PCSK6: variants seen among roughly 807,000 people sequenced by gnomAD.
The protein encoded by PCSK6 is proprotein convertase subtilisin/kexin type 6, also known as paired basic amino acid cleaving enzyme 4.
A neutral mutation model predicts 123.3 loss-of-function variants in PCSK6; 85 were observed. That is an observed-to-expected ratio of 0.69 (90% confidence interval 0.58 to 0.83). The LOEUF (loss-of-function observed/expected upper bound fraction) is 0.83. Among genes scored for constraint, PCSK6 ranks in the 40% least tolerant of loss-of-function variants. The pLI, the probability that PCSK6 is intolerant of heterozygous loss-of-function variation, is 0.00. For missense variants in PCSK6, 1,191 were observed against 1,282.3 expected (o/e 0.93, Z 1.09); for synonymous variants, 508 against 516.0 (o/e 0.98, Z 0.21).
chr15:101,411,213 T>G (rs2055671355), intron 6 of PCSK6, among the ~76,000 whole-genome samples: 3 of 151,956 alleles, frequency 2.0e-5, no homozygotes, highest in Non-Finnish European at 4.4e-5. Context: ...ATTCCAGAGC[T>G]GAGGAAGGTG....
At chr15:101,313,167 G>A (rs1596168451) in intron 20 of PCSK6, 1 of 1,498,518 alleles carries the variant, frequency 6.7e-7, no homozygotes, top group South Asian at 1.3e-5. Flanking sequence ...GCTGCACGGT[G>A]TCTGCCCACA....
intron 1 of PCSK6, among the ~76,000 whole-genome samples, chr15:101,484,039 C>T (rs2057958206): frequency 1.3e-5 from 2 of 152,092 alleles, no homozygotes; most frequent in Admixed American, 1.3e-4. Context: ...GTATATGCGT[C>T]AATATACGTG....
intron 2 of PCSK6, among the ~76,000 whole-genome samples, chr15:101,438,690 C>G (rs942350527): frequency 1.3e-5 from 2 of 152,236 alleles, no homozygotes; most frequent in East Asian, 1.9e-4. Flanking sequence ...CAGGAACCAC[C>G]TGCAGCTCCC....
intron 16 of PCSK6, 76 bp from the exon 17 acceptor site, chr15:101,325,122 T>C: frequency 1.8e-6 from 2 of 1,085,354 alleles, no homozygotes; most frequent in Non-Finnish European, 2.6e-6. Flanking sequence ...TTGTTTCCTC[T>C]GAGGAAACGA....
chr15:101,419,361 A>C (rs573894605), intron 6 of PCSK6, among the ~76,000 whole-genome samples: 1 of 152,162 alleles, frequency 6.6e-6, no homozygotes, highest in Non-Finnish European at 1.5e-5. Context: ...CTAATAAGAA[A>C]TGTATAAAAT....
intron 1 of PCSK6, among the ~76,000 whole-genome samples, chr15:101,451,227 C>T (rs1187124925): frequency 1.3e-5 from 2 of 151,998 alleles, no homozygotes; most frequent in African/African-American, 2.4e-5. Context: ...ATCTACTTTA[C>T]ATGTTTAATT....
chr15:101,427,901 T>C lies in PCSK6; in HGVS notation c.814A>G (p.Lys272Glu). 1 of 1,574,582 alleles carries C rather than the reference T, an allele frequency of 6.4e-7. No individual in the cohort carries two copies. The highest frequency in any genetic ancestry group is 8.6e-7 in the Non-Finnish European group (1 of 1,159,106). Reference protein sequence around the residue: ...YCIVGIAYNAKIGGIRMLDGD... With the variant: ...YCIVGIAYNAEIGGIRMLDGD... ...CCACGCCCGGCCTTACCTCCTATTTTGGCATTGTACGCTATGCCCACGATG... is the reference window on the plus strand; with the variant it reads ...CCACGCCCGGCCTTACCTCCTATTTCGGCATTGTACGCTATGCCCACGATG... The change falls in exon 6 of 22, where the codon AAA (lysine) becomes GAA (glutamate). Residue 272 changes from lysine to glutamate, a missense_variant. Transcript: ENST00000611716.
chr15:101,370,754 G>C (rs1181358060), intron 11 of PCSK6, among the ~76,000 whole-genome samples: 1 of 152,254 alleles, frequency 6.6e-6, no homozygotes, highest in Non-Finnish European at 1.5e-5. Context: ...AGATTTGAAA[G>C]ATGGTTCGGC....
At chr15:101,463,847 C>T (rs1269632087) in intron 1 of PCSK6, among the ~76,000 whole-genome samples, 1 of 152,008 alleles carries the variant, frequency 6.6e-6, no homozygotes, top group African/African-American at 2.4e-5. Context: ...CTTCCTATGT[C>T]CTTAGAGAGC....
At chr15:101,374,058 T>C (rs771414505) in intron 11 of PCSK6, among the ~76,000 whole-genome samples, 10 of 152,230 alleles carry the variant, frequency 6.6e-5, no homozygotes, top group Non-Finnish European at 1.3e-4. Flanking sequence ...CCGTGCGTTG[T>C]TGAAGCCAGG....
intron 17 of PCSK6, among the ~76,000 whole-genome samples, chr15:101,324,641 T>C (rs1434187131): frequency 1.3e-5 from 2 of 152,244 alleles, no homozygotes; most frequent in African/African-American, 4.8e-5. Flanking sequence ...GAACTTCTCC[T>C]GGCCAGGTCT....
intron 6 of PCSK6, among the ~76,000 whole-genome samples, chr15:101,403,434 AAAAG>A (rs2042668391): frequency 6.8e-6 from 1 of 147,950 alleles, no homozygotes. Flanking sequence ...TAATTAAAAA[AAAAG>A]AGAGAGAAAA....
At chr15:101,347,557 G>C (rs1055560073) in intron 13 of PCSK6, 1 of 1,399,654 alleles carries the variant, frequency 7.1e-7, no homozygotes, top group Non-Finnish European at 9.3e-7. Flanking sequence ...ATGCTTGCAC[G>C]CACACGCATT....
intron 6 of PCSK6, among the ~76,000 whole-genome samples, chr15:101,399,393 C>A (rs1244104945): frequency 6.6e-6 from 1 of 152,196 alleles, no homozygotes; most frequent in Non-Finnish European, 1.5e-5. Flanking sequence ...GGGTCTTGGA[C>A]TTCGCTGGCC....
At chr15:101,386,987 T>C (rs2042083319) in intron 9 of PCSK6, among the ~76,000 whole-genome samples, 1 of 152,198 alleles carries the variant, frequency 6.6e-6, no homozygotes, top group Non-Finnish European at 1.5e-5. Flanking sequence ...AGCTCACCCA[T>C]GGCGTTAAGT....
chr15:101,476,255 T>C (rs943222717), intron 1 of PCSK6, among the ~76,000 whole-genome samples: 5 of 152,206 alleles, frequency 3.3e-5, no homozygotes, highest in Non-Finnish European at 5.9e-5. Context: ...CATTTATTAT[T>C]ATAACTAGTA....
intron 12 of PCSK6, among the ~76,000 whole-genome samples, chr15:101,368,524 C>T (rs1335159164): frequency 2.6e-5 from 4 of 152,138 alleles, no homozygotes; most frequent in African/African-American, 4.8e-5. Flanking sequence ...GGGTGTGGGC[C>T]AACTCTCCAG....
chr15:101,412,382 C>G (rs1268780547), intron 6 of PCSK6, among the ~76,000 whole-genome samples: 3 of 152,012 alleles, frequency 2.0e-5, no homozygotes, highest in Non-Finnish European at 4.4e-5. Flanking sequence ...ACATTTTATT[C>G]ATTTTCTTCC....
intron 6 of PCSK6, among the ~76,000 whole-genome samples, 161 bp downstream of exon 6, chr15:101,427,731 G>C (rs1276592200): frequency 6.6e-6 from 1 of 152,258 alleles, no homozygotes; most frequent in Non-Finnish European, 1.5e-5. Context: ...TGGGTCAGCT[G>C]CCTGGGCCAT....
Sources: allele counts gnomAD v4.1 joint callset (sites outside exome capture counted in the v4.1 genomes callset), GRCh38; gene constraint gnomAD v4.1.1; transcripts MANE v1.5; gene names NCBI Gene and HGNC (gene_info 2026-07-23, HGNC 2026-07-21).